The following BTBD9 variants were observed in gnomAD, a reference collection of about 807,000 sequenced individuals.
BTBD9 encodes BTB/POZ domain-containing protein 9.
A neutral mutation model predicts 64.3 loss-of-function variants in BTBD9; 49 were observed. The observed-to-expected ratio is 0.76, with a 90% CI of 0.61 to 0.97. The LOEUF (loss-of-function observed/expected upper bound fraction) is 0.97, where lower values mean the gene tolerates loss of function less well. Ranked by LOEUF, BTBD9 falls within the 50% of genes least tolerant of loss-of-function variation. The probability of loss-of-function intolerance (pLI) is 0.00; values close to 1 mark genes in which losing one functional copy is unlikely to be tolerated. For missense variants in BTBD9, 598 were observed against 762.1 expected (o/e 0.78, Z 2.53); for synonymous variants, 260 against 274.7 (o/e 0.95, Z 0.53).
chr6:38,423,140 C>T (rs944150191), intron 6 of BTBD9, among the ~76,000 whole-genome samples: 1 of 151,954 alleles, frequency 6.6e-6, no homozygotes, highest in African/African-American at 2.4e-5. Context: ...TGGTGCATGT[C>T]TGTAATCCCA....
At chr6:38,521,775 A>T (rs2127420264) in intron 6 of BTBD9, among the ~76,000 whole-genome samples, 1 of 152,166 alleles carries the variant, frequency 6.6e-6, no homozygotes, top group Non-Finnish European at 1.5e-5. Flanking sequence ...CCTGCGTTTA[A>T]GCAATTCTCC....
intron 6 of BTBD9, among the ~76,000 whole-genome samples, chr6:38,497,920 C>T (rs912067947): frequency 1.3e-5 from 2 of 152,154 alleles, no homozygotes; most frequent in African/African-American, 4.8e-5. Context: ...GTAGCAACAG[C>T]TAGGTTTATA....
chr6:38,561,449 G>A (rs931063582), intron 6 of BTBD9, among the ~76,000 whole-genome samples: 2 of 152,034 alleles, frequency 1.3e-5, no homozygotes, highest in Non-Finnish European at 2.9e-5. Flanking sequence ...ATTTGTTATA[G>A]ACCCAAAGGA....
intron 6 of BTBD9, among the ~76,000 whole-genome samples, chr6:38,557,893 T>C (rs1039035501): frequency 6.6e-6 from 1 of 152,182 alleles, no homozygotes; most frequent in South Asian, 2.1e-4. Flanking sequence ...TTTTCTGATT[T>C]TGAGATCTTA....
intron 8 of BTBD9, among the ~76,000 whole-genome samples, chr6:38,278,636 T>C (rs1429018794): frequency 2.0e-5 from 3 of 152,234 alleles, no homozygotes; most frequent in Non-Finnish European, 4.4e-5. Flanking sequence ...AACTATGCTT[T>C]GATTTCTTCA....
intron 8 of BTBD9, among the ~76,000 whole-genome samples, chr6:38,262,597 T>C (rs1286125317): frequency 2.6e-5 from 4 of 152,332 alleles, no homozygotes; most frequent in Non-Finnish European, 5.9e-5. Flanking sequence ...TCCTTGCTGG[T>C]ATTTTGATAC....
At chr6:38,333,529 C>T (rs1390472139) in intron 7 of BTBD9, among the ~76,000 whole-genome samples, 3 of 152,014 alleles carry the variant, frequency 2.0e-5, no homozygotes, top group South Asian at 2.1e-4. Flanking sequence ...TGGGGTCAGA[C>T]CTCCCCTTTG....
chr6:38,317,931 T>C (rs943853083), intron 7 of BTBD9, among the ~76,000 whole-genome samples: 1 of 145,828 alleles, frequency 6.9e-6, no homozygotes, highest in African/African-American at 2.6e-5. Context: ...TTCCTCAAAA[T>C]AGCTTTTTTT....
chr6:38,335,599 T>C (rs1328484065), intron 7 of BTBD9, among the ~76,000 whole-genome samples: 5 of 151,792 alleles, frequency 3.3e-5, no homozygotes, highest in Non-Finnish European at 5.9e-5. Context: ...GGAGTCTTGC[T>C]CTGTTGCCAA....
Position 38,616,723 on chromosome 6 carries a change from G to A in BTBD9, c.-27-18602C>T, listed in dbSNP as rs367955805. 3.9e-5 allele frequency among the ~76,000 whole-genome samples: 6 copies of A among 152,198 alleles called. No homozygotes were observed. In the South Asian group the frequency reaches 1.0e-3, roughly 26 times the overall value. On this transcript the variant is annotated intron_variant, in intron 1 of 10. Coordinates refer to ENST00000481247, the MANE Select transcript of BTBD9 (RefSeq NM_001099272.2). ...AGGACAGAAACGAAACATGGGAGGGGACAATAAAGGAATAAAAGCTGGCCA... is the reference window on the plus strand; with the variant it reads ...AGGACAGAAACGAAACATGGGAGGGAACAATAAAGGAATAAAAGCTGGCCA...
At chr6:38,581,554 G>A (rs1044341667) in intron 4 of BTBD9, among the ~76,000 whole-genome samples, 15 of 152,074 alleles carry the variant, frequency 9.9e-5, no homozygotes, top group Non-Finnish European at 1.0e-4. Context: ...GAAGTCCTCC[G>A]TGTAAATTAT....
At chr6:38,332,483 T>C (rs1001163833) in intron 7 of BTBD9, among the ~76,000 whole-genome samples, 4 of 152,224 alleles carry the variant, frequency 2.6e-5, no homozygotes, top group African/African-American at 7.2e-5. Context: ...AATTCAGAGT[T>C]TGGATGATTG....
Position 38,169,878 on chromosome 6 carries a change from T to A in BTBD9, c.*5107A>T, listed in dbSNP as rs1379950089. 1.5e-5 allele frequency: 2 copies of A among 130,482 alleles called. No individual in the cohort carries two copies. The highest frequency in any genetic ancestry group is 1.6e-4 in the Admixed American group (2 of 12,466). 8.1% of individuals were successfully genotyped at this position (130,482 alleles called of 1,614,324 possible). ...GTGAGTCTTCAGGCCATGAGGCCTC[T>A]TGGGGACTATTTCAGTTCTTTAAAA... On this transcript the variant is annotated 3_prime_UTR_variant, in exon 11 of 11. Transcript: ENST00000481247.
chr6:38,329,567 C>T (rs1180491462), intron 7 of BTBD9, among the ~76,000 whole-genome samples: 1 of 151,972 alleles, frequency 6.6e-6, no homozygotes, highest in Non-Finnish European at 1.5e-5. Context: ...AAGTGATCTG[C>T]CCGATTTGGC....
At chr6:38,515,466 AACTAAC>A (rs374770918) in intron 6 of BTBD9, among the ~76,000 whole-genome samples, 25 of 152,342 alleles carry the variant, frequency 1.6e-4, no homozygotes, top group African/African-American at 5.1e-4. Context: ...AAAGCCAGTA[AACTAAC>A]ACTATTTTCT....
At chr6:38,265,815 T>A (rs1764951771) in intron 8 of BTBD9, among the ~76,000 whole-genome samples, 1 of 152,184 alleles carries the variant, frequency 6.6e-6, no homozygotes, top group Non-Finnish European at 1.5e-5. Flanking sequence ...CTACCACACC[T>A]GGCTAAAACA....
At chr6:38,545,144 T>C (rs1774474438) in intron 6 of BTBD9, among the ~76,000 whole-genome samples, 2 of 151,634 alleles carry the variant, frequency 1.3e-5, no homozygotes, top group Non-Finnish European at 2.9e-5. Context: ...CAGGCTGGAG[T>C]GTGGAGGCGC....
chr6:38,424,424 T>C (rs1323275899), intron 6 of BTBD9, among the ~76,000 whole-genome samples: 3 of 152,002 alleles, frequency 2.0e-5, no homozygotes, highest in African/African-American at 4.8e-5. Flanking sequence ...TGTAAATGTT[T>C]AGTCAATTAT....
At chr6:38,589,314 C>T (rs904207933) in intron 4 of BTBD9, among the ~76,000 whole-genome samples, 18 of 152,158 alleles carry the variant, frequency 1.2e-4, no homozygotes, top group African/African-American at 4.1e-4. Flanking sequence ...TACCAGTAAC[C>T]ATGTGAAATG....
Sources: gnomAD v4.1 joint callset for allele counts (sites outside exome capture counted in the v4.1 genomes callset) on GRCh38, gnomAD v4.1.1 for gene constraint, MANE v1.5 for transcripts, NCBI Gene and HGNC (gene_info 2026-07-23, HGNC 2026-07-21) for gene names.